Variants in CLASP2 observed in about 807,000 individuals in gnomAD.
The protein encoded by CLASP2 is CLIP-associating protein 2.
CLASP2 carries 47 observed loss-of-function variants against 194.4 expected under a neutral mutation model. The ratio of observed to expected loss-of-function variants is 0.24; its 90% CI spans 0.19 to 0.31. The LOEUF (loss-of-function observed/expected upper bound fraction) is 0.31, where lower values mean the gene tolerates loss of function less well. Ranked by LOEUF, CLASP2 falls within the 10% of genes least tolerant of loss-of-function variation. CLASP2 has a pLI of 1.00. For synonymous variants in CLASP2, 619 were observed against 633.5 expected (o/e 0.98, Z 0.34); for missense variants, 1,445 against 1,823.6 (o/e 0.79, Z 3.78).
In CLASP2 at chr3:33,632,338, T is replaced by A; in HGVS notation, c.896A>T (p.Asp299Val). The A allele has an allele frequency of 6.2e-7, 1 of 1,605,406 alleles. No homozygotes were observed. The highest frequency in any genetic ancestry group is 8.5e-7 in the Non-Finnish European group (1 of 1,176,264). Residue 299 changes from aspartate to valine, a missense_variant, in exon 9 of 39, where the codon GAT becomes GTT. Asp to Val is a radical substitution (Grantham distance 152, BLOSUM62 -3). Transcript: ENST00000682230. ...ASKEGGAGAV[D>V]EDDFIKAFTD... The stretch of plus-strand genomic sequence containing the variant: ...AAAAGCTTTTATAAAATCATCTTCA[T>A]CAACTGCTCCAGCACCTCCTTCCTT...
intron 1 of CLASP2, among the ~76,000 whole-genome samples, chr3:33,697,150 G>A (rs933733911): frequency 6.6e-6 from 1 of 152,142 alleles, no homozygotes; most frequent in Non-Finnish European, 1.5e-5. Context: ...CAGGAAGATA[G>A]CAATAAAGCA....
chr3:33,568,490 G>T (rs1302729796), intron 26 of CLASP2, among the ~76,000 whole-genome samples: 2 of 142,542 alleles, frequency 1.4e-5, no homozygotes, highest in Non-Finnish European at 3.0e-5. Flanking sequence ...GGAGGCGGAA[G>T]TTGCAGTGAG....
chr3:33,514,746 G>A, intron 36 of CLASP2: 1 of 252,120 alleles, frequency 4.0e-6, no homozygotes, highest in Non-Finnish European at 8.4e-6. Flanking sequence ...AGCACAATTG[G>A]CAATTGCAAA....
chr3:33,676,070 T>C (rs1260547608), intron 6 of CLASP2, among the ~76,000 whole-genome samples: 1 of 152,036 alleles, frequency 6.6e-6, no homozygotes, highest in Non-Finnish European at 1.5e-5. Flanking sequence ...CTTCACAGAC[T>C]TGGAAAAAAC....
intron 10 of CLASP2, among the ~76,000 whole-genome samples, chr3:33,625,990 A>G (rs2154286695): frequency 6.6e-6 from 1 of 152,250 alleles, no homozygotes; most frequent in African/African-American, 2.4e-5. Context: ...CACATTTTAT[A>G]CTAATAACAC....
In CLASP2 at chr3:33,564,364, T is replaced by C. The variant is rs1038621507; in HGVS notation, c.2766+2368A>G. ...CTATAAACTTTCTAGCATCTCCCAC[T>C]TCTTTTTCTGGACTCAGGCTAGCTA... On this transcript the variant is annotated intron_variant, in intron 27 of 38. Coordinates refer to ENST00000682230, the MANE Select transcript of CLASP2 (RefSeq NM_001365631.1). Among the ~76,000 whole-genome samples the C allele has an allele frequency of 1.2e-4, 19 of 152,332 alleles. No homozygotes were observed. The South Asian group carries it at 3.9e-3, about 32-fold the overall frequency.
intron 35 of CLASP2, among the ~76,000 whole-genome samples, chr3:33,516,470 C>A (rs879663299): frequency 3.3e-5 from 5 of 152,076 alleles, no homozygotes; most frequent in Non-Finnish European, 7.4e-5. Context: ...GAGTTCAAGA[C>A]CAGCCTGGCC....
At chr3:33,713,371 G>C (rs902300132) in intron 1 of CLASP2, among the ~76,000 whole-genome samples, 1 of 151,998 alleles carries the variant, frequency 6.6e-6, no homozygotes, top group Non-Finnish European at 1.5e-5. Flanking sequence ...TATGTAACAA[G>C]GTGACAAAAA....
intron 35 of CLASP2, 52 bp downstream of exon 35, chr3:33,516,929 A>G (rs540149273): frequency 1.4e-6 from 2 of 1,441,066 alleles, no homozygotes; most frequent in East Asian, 4.6e-5. Flanking sequence ...TTAACAGGCA[A>G]TGTAAAAGAG....
At chr3:33,589,938 T>G (rs1449007703) in intron 21 of CLASP2, among the ~76,000 whole-genome samples, 2 of 152,126 alleles carry the variant, frequency 1.3e-5, no homozygotes, top group African/African-American at 4.8e-5. Context: ...TTGGTTATCT[T>G]TATGCTTCAA....
At chr3:33,512,646 T>C (rs1452416186) in intron 36 of CLASP2, among the ~76,000 whole-genome samples, 2 of 100,278 alleles carry the variant, frequency 2.0e-5, no homozygotes, top group African/African-American at 4.1e-5. Flanking sequence ...AAGATCTCAA[T>C]AGGTGAAAAA....
chr3:33,624,462 C>CACAAAGAACGACAAT (rs1309043682), intron 10 of CLASP2, among the ~76,000 whole-genome samples: 1 of 152,016 alleles, frequency 6.6e-6, no homozygotes, highest in Non-Finnish European at 1.5e-5. Context: ...TAAGATGATA[C>CACAAAGAACGACAAT]ACAAAGAACG....
At chr3:33,685,890 G>A (rs1045790801) in intron 5 of CLASP2, among the ~76,000 whole-genome samples, 2 of 152,054 alleles carry the variant, frequency 1.3e-5, no homozygotes, top group African/African-American at 4.8e-5. Flanking sequence ...TTTCAGTCTG[G>A]GAAGATGAAG....
rs2046057030 is a variant in CLASP2 at position 33,498,372 on chromosome 3, TTA to T, written c.*257_*258del. 1 of 322,132 alleles carries T rather than the reference TTA, an allele frequency of 3.1e-6. No homozygotes were observed. The highest frequency in any genetic ancestry group is 5.6e-6 in the Non-Finnish European group (1 of 177,840). 20.0% of individuals were successfully genotyped at this position (322,132 alleles called of 1,614,324 possible). A position where few individuals can be genotyped will look rare whatever the true frequency, so the allele number is the denominator to read the frequency against. ...AAGTACAAACATGTGAAATGATGAA[TTA>T]AATTAAAAATTACTTTGTGTCGATC... On this transcript the variant is annotated 3_prime_UTR_variant, in exon 39 of 39. Coordinates refer to ENST00000682230, the MANE Select transcript of CLASP2 (RefSeq NM_001365631.1).
At chr3:33,531,587 C>T (rs1229492303) in intron 34 of CLASP2, among the ~76,000 whole-genome samples, 2 of 152,120 alleles carry the variant, frequency 1.3e-5, no homozygotes, top group African/African-American at 4.8e-5. Context: ...ACCAGCCTGA[C>T]CAACATGGAC....
rs1305237283 is a variant in CLASP2 at position 33,603,040 on chromosome 3, A to G, written c.1836T>C (p.Gly612=). ...RSDIDVNAAA[G]AKAHHAAGQS... is the part of the protein sequence containing the mutation. ...GTCCAGCAGCATGATGTGCCTTGGC[A>G]CCTGCAGCAGCATTCACATCAATGT... Residue 612 remains glycine (G), a synonymous_variant, in exon 18 of 39, where the codon GGT becomes GGC. Coordinates refer to ENST00000682230, the MANE Select transcript of CLASP2 (RefSeq NM_001365631.1). The G allele has an allele frequency of 6.2e-7, 1 of 1,604,842 alleles. No individual in the cohort carries two copies. The highest frequency in any genetic ancestry group is 2.2e-5 in the East Asian group (1 of 44,592).
chr3:33,546,774 A>G (rs1376313474), intron 30 of CLASP2, among the ~76,000 whole-genome samples: 1 of 152,126 alleles, frequency 6.6e-6, no homozygotes, highest in Non-Finnish European at 1.5e-5. Flanking sequence ...CATAATCTTT[A>G]AAAACATAAA....
intron 7 of CLASP2, among the ~76,000 whole-genome samples, chr3:33,656,074 T>A (rs1209398948): frequency 6.6e-6 from 1 of 152,230 alleles, no homozygotes; most frequent in Non-Finnish European, 1.5e-5. Context: ...TGCATGATTA[T>A]CTGACTACTT....
chr3:33,608,744 CTTTTT>C (rs766687478), intron 13 of CLASP2, 118 bp from the exon 14 acceptor site: 609 of 159,274 alleles, frequency 3.8e-3, no homozygotes, highest in South Asian at 7.5e-3. Context: ...TTTTAGATAT[CTTTTT>C]TTTTTTTTTT....
Sources: allele counts gnomAD v4.1 joint callset (sites outside exome capture counted in the v4.1 genomes callset), GRCh38; gene constraint gnomAD v4.1.1; transcripts MANE v1.5; gene names NCBI Gene and HGNC (gene_info 2026-07-23, HGNC 2026-07-21).